MYLK: variants seen among roughly 807,000 people sequenced by gnomAD.
The protein encoded by MYLK is myosin light chain kinase.
In MYLK, 106 loss-of-function variants were observed where a neutral mutation model predicts 203.4. The observed-to-expected ratio is 0.52, with a 90% CI of 0.45 to 0.61. MYLK has a LOEUF of 0.61. MYLK is among the 20% of genes least tolerant of loss of function. The probability of loss-of-function intolerance (pLI) is 0.00; values close to 1 mark genes in which losing one functional copy is unlikely to be tolerated. For missense variants in MYLK, 2,072 were observed against 2,442.3 expected (o/e 0.85, Z 3.20); for synonymous variants, 867 against 959.5 (o/e 0.90, Z 1.78).
At chr3:123,737,608 C>T in intron 7 of MYLK, 65 bp from the exon 8 acceptor site, 5 of 1,599,754 alleles carry the variant, frequency 3.1e-6, no homozygotes, top group Non-Finnish European at 4.3e-6. Flanking sequence ...TGTCCTCCTG[C>T]CTCCTGCCAA....
chr3:123,778,440 G>A (rs1382565117), intron 4 of MYLK, among the ~76,000 whole-genome samples: 1 of 151,668 alleles, frequency 6.6e-6, no homozygotes, highest in African/African-American at 2.4e-5. Context: ...GTGAACCCGG[G>A]AGGTGGAGCT....
At chr3:123,683,816 G>T (rs192246528) in intron 19 of MYLK, among the ~76,000 whole-genome samples, 4 of 152,238 alleles carry the variant, frequency 2.6e-5, no homozygotes, top group South Asian at 4.2e-4. Context: ...CGGGGTGTTG[G>T]GGGGAGCAGA....
At chr3:123,638,237 G>A (rs763963507) in intron 28 of MYLK, 43 bp from the exon 29 acceptor site, 7 of 1,612,530 alleles carry the variant, frequency 4.3e-6, no homozygotes, top group Non-Finnish European at 5.9e-6. Flanking sequence ...GCACATCACG[G>A]AGCCAGCTTG....
At chr3:123,739,126 A>T in intron 6 of MYLK, 64 bp from the exon 7 acceptor site, 1 of 1,567,462 alleles carries the variant, frequency 6.4e-7, no homozygotes, top group Non-Finnish European at 8.7e-7. Flanking sequence ...TCCTCTCTCC[A>T]CCTCACTCAA....
At chr3:123,823,098 A>G (rs1230820296) in intron 3 of MYLK, among the ~76,000 whole-genome samples, 1 of 152,196 alleles carries the variant, frequency 6.6e-6, no homozygotes, top group East Asian at 1.9e-4. Flanking sequence ...ACATTAACAT[A>G]GTTAATCACC....
intron 23 of MYLK, among the ~76,000 whole-genome samples, chr3:123,661,175 G>T (rs891092876): frequency 6.6e-6 from 1 of 152,166 alleles, no homozygotes; most frequent in African/African-American, 2.4e-5. Flanking sequence ...TGCAGCCCGC[G>T]TAGTGGTGAT....
At chr3:123,805,093 C>A (rs1422098177) in intron 3 of MYLK, among the ~76,000 whole-genome samples, 1 of 152,168 alleles carries the variant, frequency 6.6e-6, no homozygotes, top group African/African-American at 2.4e-5. Context: ...TGCCATCACT[C>A]GTTTGGCTCT....
intron 2 of MYLK, among the ~76,000 whole-genome samples, chr3:123,832,495 C>A: frequency 6.6e-6 from 1 of 152,224 alleles, no homozygotes; most frequent in Non-Finnish European, 1.5e-5. Flanking sequence ...CAAGCCCTCA[C>A]AATGGCATTT....
At chr3:123,728,221 A>T (rs1240365619) in intron 11 of MYLK, among the ~76,000 whole-genome samples, 1 of 152,178 alleles carries the variant, frequency 6.6e-6, no homozygotes, top group Non-Finnish European at 1.5e-5. Context: ...ACAAACAAAC[A>T]TCCAGGAGTG....
At chr3:123,850,636 G>A (rs1214016313) in intron 2 of MYLK, among the ~76,000 whole-genome samples, 2 of 152,158 alleles carry the variant, frequency 1.3e-5, no homozygotes, top group African/African-American at 2.4e-5. Flanking sequence ...TGTAGATTCT[G>A]GATATTAGCC....
intron 4 of MYLK, among the ~76,000 whole-genome samples, chr3:123,765,462 C>T (rs2063673072): frequency 6.7e-6 from 1 of 148,764 alleles, no homozygotes; most frequent in African/African-American, 2.5e-5. Flanking sequence ...ATCCAGGAGA[C>T]AGAGATTGCA....
intron 30 of MYLK, among the ~76,000 whole-genome samples, chr3:123,628,358 CG>C (rs2058256785): frequency 6.6e-6 from 1 of 152,196 alleles, no homozygotes; most frequent in African/African-American, 2.4e-5. Flanking sequence ...TCGGCAGCCC[CG>C]CAAGGCTGCA....
chr3:123,702,736 C>A (rs192411461), intron 16 of MYLK, among the ~76,000 whole-genome samples: 1 of 152,280 alleles, frequency 6.6e-6, no homozygotes, highest in East Asian at 1.9e-4. Context: ...TGCCTGTAAT[C>A]CCAGCACTTT....
intron 2 of MYLK, among the ~76,000 whole-genome samples, chr3:123,843,746 C>A (rs1207388876): frequency 1.3e-5 from 2 of 152,100 alleles, no homozygotes; most frequent in Admixed American, 1.3e-4. Context: ...AATTCCCTGC[C>A]CCTCTCCTCC....
intron 13 of MYLK, 146 bp downstream of exon 13, chr3:123,721,982 G>A (rs1576732909): frequency 1.7e-5 from 18 of 1,042,402 alleles, no homozygotes; most frequent in South Asian, 1.1e-4. Context: ...GGCACCTGCC[G>A]CTGCCAGTGG....
intron 24 of MYLK, among the ~76,000 whole-genome samples, chr3:123,651,388 AT>A (rs2059206353): frequency 6.6e-6 from 1 of 152,144 alleles, no homozygotes; most frequent in South Asian, 2.1e-4. Context: ...AAGCAACAAT[AT>A]TGGAGTCAAT....
At chr3:123,838,445 G>A (rs1394168002) in intron 2 of MYLK, among the ~76,000 whole-genome samples, 6 of 152,140 alleles carry the variant, frequency 3.9e-5, no homozygotes, top group Non-Finnish European at 5.9e-5. Flanking sequence ...GACAGAATTT[G>A]AATCCAAACA....
intron 5 of MYLK, among the ~76,000 whole-genome samples, chr3:123,741,144 G>T (rs1041095458): frequency 6.6e-6 from 1 of 152,144 alleles, no homozygotes; most frequent in Non-Finnish European, 1.5e-5. Flanking sequence ...TGGGGAATTT[G>T]CAGGGAGTTT....
intron 20 of MYLK, among the ~76,000 whole-genome samples, chr3:123,669,564 T>G (rs1355311802): frequency 6.6e-6 from 1 of 152,172 alleles, no homozygotes; most frequent in Non-Finnish European, 1.5e-5. Flanking sequence ...TATAAGAGAT[T>G]GTTCTTGTTT....
Sources: allele counts gnomAD v4.1 joint callset (sites outside exome capture counted in the v4.1 genomes callset), GRCh38; gene constraint gnomAD v4.1.1; transcripts MANE v1.5; gene names NCBI Gene and HGNC (gene_info 2026-07-23, HGNC 2026-07-21).